The following DPP9 variants were observed in gnomAD, a reference collection of about 807,000 sequenced individuals.
The protein encoded by DPP9 is dipeptidyl peptidase IV-related protein-2.
Under a neutral mutation model 110.7 loss-of-function variants are expected in DPP9, and 50 were observed. The ratio of observed to expected loss-of-function variants is 0.45; its 90% CI spans 0.36 to 0.57. DPP9 has a LOEUF of 0.57. Ranked by LOEUF, DPP9 falls within the 20% of genes least tolerant of loss-of-function variation. The pLI is 0.00. For missense variants in DPP9, 1,022 were observed against 1,217.9 expected, an observed-to-expected ratio of 0.84 and a Z score of 2.39; for synonymous variants, 561 against 514.4, an observed-to-expected ratio of 1.09 and a Z score of -1.23.
At chr19:4,720,792 C>T (rs1314762873) in intron 2 of DPP9, among the ~76,000 whole-genome samples, 4 of 152,174 alleles carry the variant, frequency 2.6e-5, no homozygotes, top group Non-Finnish European at 4.4e-5. Flanking sequence ...AATGCCAAGC[C>T]GGAGACCCCT....
chr19:4,702,012 G>C lies in DPP9; in HGVS notation c.1012+15C>G. On this transcript the variant is annotated intron_variant, in intron 9 of 21. Coordinates refer to ENST00000262960, the MANE Select transcript of DPP9 (RefSeq NM_139159.5). Reference sequence around the variant, plus strand: ...AGATCCCCGGCCCAGCCCCTCACATGTACCGGGCACTCACCTGTCCTGGGG... The same window carrying C: ...AGATCCCCGGCCCAGCCCCTCACATCTACCGGGCACTCACCTGTCCTGGGG... The C allele has an allele frequency of 6.2e-7, 1 of 1,611,260 alleles. No homozygotes were observed. Among genetic ancestry groups the C allele is most frequent in the South Asian group, 1.1e-5 (1 of 90,756 alleles).
At chr19:4,722,206 G>C (rs977255357) in intron 2 of DPP9, 10 of 431,228 alleles carry the variant, frequency 2.3e-5, no homozygotes, top group African/African-American at 2.0e-4. Flanking sequence ...GGGTCAGGCA[G>C]TGTAGGTGGA....
In DPP9 at chr19:4,689,756, C is replaced by T; in HGVS notation, c.1597-34G>A. The T allele has an allele frequency of 1.3e-6, 2 of 1,528,632 alleles. No individual in the cohort carries two copies. The highest frequency in any genetic ancestry group is 1.8e-6 in the Non-Finnish European group (2 of 1,132,402). 94.7% of individuals were successfully genotyped at this position (1,528,632 alleles called of 1,614,324 possible). ...GGACAGGGGATCCTCGTGATGCGTC[C>T]CAGATGCCCCTGGGCCCACACCCCT... On this transcript the variant is annotated intron_variant, in intron 14 of 21. Coordinates refer to ENST00000262960, the MANE Select transcript of DPP9 (RefSeq NM_139159.5). This position sits in a 1 kb window ranked among gnomAD's most constrained non-coding sequence, Gnocchi z 7.0.
rs373924224 is a variant in DPP9, at chr19:4,688,886, C to T, written c.1756G>A (p.Asp586Asn). The stretch of plus-strand genomic sequence containing the variant: ...CTGCTGTAGTGGCTGACGAACATGT[C>T]GAAGTTCTGGGGGTGGAATGGGGTG... ...SHSCSMSQNFDMFVSHYSSVS... is the reference protein window; with the variant it reads ...SHSCSMSQNFNMFVSHYSSVS... The change falls in exon 16 of 22, where the codon GAC becomes AAC. Residue 586 changes from aspartate (D) to asparagine (N), a missense_variant. Transcript: ENST00000262960. 5.3e-6 allele frequency: 8 copies of T among 1,519,530 alleles called. No homozygotes were observed. The highest frequency in any genetic ancestry group is 2.6e-5 in the East Asian group (1 of 37,894). 94.1% of individuals were successfully genotyped at this position (1,519,530 alleles called of 1,614,324 possible). A position where few individuals can be genotyped will look rare whatever the true frequency, so the allele number is the denominator to read the frequency against.
chr19:4,706,898 C>T lies in DPP9; in HGVS notation c.314-928G>A, dbSNP rs542721639. On this transcript the variant is annotated intron_variant, in intron 4 of 21. Transcript: ENST00000262960. ...TTACATTCGGGCCTGGACCATCCTC[C>T]GGGGTGGGGCTGTCCTGACCACTGC... Among the ~76,000 whole-genome samples, 11 of 152,294 alleles carry T rather than the reference C, an allele frequency of 7.2e-5. No homozygotes were observed. In the South Asian group the frequency reaches 1.5e-3, roughly 20 times the overall value.
intron 18 of DPP9, 92 bp from the exon 19 acceptor site, chr19:4,683,721 C>T (rs753549896): frequency 9.3e-6 from 15 of 1,611,330 alleles, no homozygotes; most frequent in Admixed American, 5.0e-5. Flanking sequence ...GGCGTCTCTC[C>T]CTCTTGGATG....
At position 4,682,651 on chromosome 19, in the gene DPP9, A is replaced by T; in HGVS notation, c.2474+45T>A. ...ATAGAGACAGCTGGTGCCGGGGTGC[A>T]GGAGAAGCCCCGGGGAGGAGCGCAG... On this transcript the variant is annotated intron_variant, in intron 20 of 21. Coordinates refer to ENST00000262960, the MANE Select transcript of DPP9 (RefSeq NM_139159.5). The surrounding 1 kb of genome is among the most constrained non-coding windows in gnomAD (Gnocchi z 7.1). 6.3e-7 allele frequency: 1 copy of T among 1,596,802 alleles called. No individual in the cohort carries two copies. Among genetic ancestry groups the T allele is most frequent in the Non-Finnish European group, 8.5e-7 (1 of 1,172,536 alleles).
At chr19:4,720,933 T>TC (rs1407416631) in intron 2 of DPP9, among the ~76,000 whole-genome samples, 1 of 152,140 alleles carries the variant, frequency 6.6e-6, no homozygotes, top group African/African-American at 2.4e-5. Context: ...CCTTTCTCCC[T>TC]CCCCACTCAG....
chr19:4,683,644 C>T lies in DPP9; in HGVS notation c.2179-15G>A, dbSNP rs368043211. ...TCCACCTGGCCCTGAGGGATGAAGC[C>T]GGGCACCTCTCAGTGGCCTCCTCCC... is the stretch of plus-strand genomic sequence containing the variant. On this transcript the variant is annotated splice_polypyrimidine_tract_variant and intron_variant, in intron 18 of 21. Coordinates refer to ENST00000262960, the MANE Select transcript of DPP9 (RefSeq NM_139159.5). 23 of 1,613,222 alleles carry T rather than the reference C, an allele frequency of 1.4e-5. No individual in the cohort carries two copies. Among genetic ancestry groups the T allele is most frequent in the African/African-American group, 2.7e-5 (2 of 74,930 alleles).
rs1038574345 is a variant in DPP9 at position 4,687,782 on chromosome 19, T to G, written c.1885+975A>C. On this transcript the variant is annotated intron_variant, in intron 16 of 21. Coordinates refer to ENST00000262960, the MANE Select transcript of DPP9 (RefSeq NM_139159.5). The surrounding 1 kb of genome is among the most constrained non-coding windows in gnomAD (Gnocchi z 4.7). ...CTCTGACATCCCGGCCACCCCTGCA[T>G]GGACCACCACTGTTCAAAAGGTTTT... Among the ~76,000 whole-genome samples the G allele has an allele frequency of 6.6e-6, 1 of 151,906 alleles. No individual in the cohort carries two copies. The highest frequency in any genetic ancestry group is 1.5e-5 in the Non-Finnish European group (1 of 67,980).
At chr19:4,706,793 G>C (rs1425185053) in intron 4 of DPP9, among the ~76,000 whole-genome samples, 5 of 152,236 alleles carry the variant, frequency 3.3e-5, no homozygotes, top group Non-Finnish European at 5.9e-5. Flanking sequence ...TCCAGCCTGG[G>C]TAACAGAGCA....
At chr19:4,720,102 G>T (rs981976421) in intron 2 of DPP9, among the ~76,000 whole-genome samples, 161 bp from the exon 3 acceptor site, 1 of 152,180 alleles carries the variant, frequency 6.6e-6, no homozygotes, top group African/African-American at 2.4e-5. Context: ...GATGCTTCAG[G>T]CCCTGGCCTG....
chr19:4,698,099 C>T lies in DPP9; in HGVS notation c.1075-448G>A, dbSNP rs1382290823. Among the ~76,000 whole-genome samples, 3 of 152,284 alleles carry T rather than the reference C, an allele frequency of 2.0e-5. No homozygotes were observed. Among genetic ancestry groups the T allele is most frequent in the Admixed American group, 6.5e-5 (1 of 15,294 alleles). Reference sequence around the variant, plus strand: ...ACCCAACAGGGGCAGGTGGGCTGGGCAAGCCAACGGCGGCACCCCAGCAGG... The same window carrying T: ...ACCCAACAGGGGCAGGTGGGCTGGGTAAGCCAACGGCGGCACCCCAGCAGG... On this transcript the variant is annotated intron_variant, in intron 10 of 21. Coordinates refer to ENST00000262960, the MANE Select transcript of DPP9 (RefSeq NM_139159.5). This position sits in a 1 kb window ranked among gnomAD's most constrained non-coding sequence, Gnocchi z 4.2.
At position 4,684,717 on chromosome 19, in the gene DPP9, G is replaced by T; in HGVS notation, c.2124C>A (p.Gly708=). Residue 708 remains glycine, a synonymous_variant, in exon 18 of 22, where the codon GGC becomes GGA. Coordinates refer to ENST00000262960, the MANE Select transcript of DPP9 (RefSeq NM_139159.5). This position sits in a 1 kb window ranked among gnomAD's most constrained non-coding sequence, Gnocchi z 4.8. Reference sequence around the variant, plus strand: ...GAAGCCCTCGCTGACAGGAGCCCCTGCCGTCAATCACAACCACGGCGTAGC... The same window carrying T: ...GAAGCCCTCGCTGACAGGAGCCCCTTCCGTCAATCACAACCACGGCGTAGC... The part of the protein sequence containing the change: ...SLGYAVVVID[G]RGSCQRGLRF... 6.2e-7 allele frequency: 1 copy of T among 1,612,042 alleles called. No individual in the cohort carries two copies. Among genetic ancestry groups the T allele is most frequent in the South Asian group, 1.1e-5 (1 of 90,630 alleles).
rs2093240506 is a variant in DPP9 at position 4,719,839 on chromosome 19, G to C, written c.56+12C>G. The C allele has an allele frequency of 6.4e-7, 1 of 1,551,638 alleles. No homozygotes were observed. The highest frequency in any genetic ancestry group is 8.7e-7 in the Non-Finnish European group (1 of 1,147,014). ...CATCCTCACGGATCAGGGCCTCCGA[G>C]GCCAACCTCACCTTCTCCAACTTCC... On this transcript the variant is annotated intron_variant, in intron 3 of 21. Transcript: ENST00000262960.
At chr19:4,702,216 A>AC in intron 8 of DPP9, 61 bp from the exon 9 acceptor site, 1 of 1,540,988 alleles carries the variant, frequency 6.5e-7, no homozygotes, top group South Asian at 1.2e-5. Context: ...TGCCATCAGC[A>AC]CCCCCCGCCC....
At position 4,700,433 on chromosome 19, in the gene DPP9, T is replaced by C. The variant is rs2092167214; in HGVS notation, c.1013-156A>G. ...AGCCAGGTGTCCCACGGTCTGTCTGTAGGCACATCGTCCTGCTGGAACAGG... is the reference window on the plus strand; with the variant it reads ...AGCCAGGTGTCCCACGGTCTGTCTGCAGGCACATCGTCCTGCTGGAACAGG... On this transcript the variant is annotated intron_variant, in intron 9 of 21. Transcript: ENST00000262960. This position sits in a 1 kb window ranked among gnomAD's most constrained non-coding sequence, Gnocchi z 4.3. Among the ~76,000 whole-genome samples the C allele has an allele frequency of 6.6e-6, 1 of 152,146 alleles. No homozygotes were observed. Among genetic ancestry groups the C allele is most frequent in the African/African-American group, 2.4e-5 (1 of 41,434 alleles).
intron 3 of DPP9, among the ~76,000 whole-genome samples, chr19:4,716,361 G>A (rs1380454496): frequency 6.6e-6 from 1 of 152,184 alleles, no homozygotes; most frequent in Non-Finnish European, 1.5e-5. Flanking sequence ...GACTTGGCCG[G>A]GCACAGTGGC....
rs1211482321 is a variant in DPP9 at position 4,695,567 on chromosome 19, G to T, written c.1176-12C>A. The T allele has an allele frequency of 6.9e-7, 1 of 1,457,444 alleles. No homozygotes were observed. The highest frequency in any genetic ancestry group is 2.6e-5 in the East Asian group (1 of 37,846). The allele number at this position is 1,457,444 out of a possible 1,614,324, so 90.3% of individuals were successfully genotyped here. A position where few individuals can be genotyped will look rare whatever the true frequency, so the allele number is the denominator to read the frequency against. On this transcript the variant is annotated splice_polypyrimidine_tract_variant and intron_variant, in intron 11 of 21. Coordinates refer to ENST00000262960, the MANE Select transcript of DPP9 (RefSeq NM_139159.5). The surrounding 1 kb of genome is among the most constrained non-coding windows in gnomAD (Gnocchi z 4.7). ...ACATGGCCCAGGCGCTAAGGGGGAAGATGCGGGGGAAGATGAGAGGGAAGC... is the reference window on the plus strand; with the variant it reads ...ACATGGCCCAGGCGCTAAGGGGGAATATGCGGGGGAAGATGAGAGGGAAGC...
Sources: gnomAD v4.1 joint callset for allele counts (sites outside exome capture counted in the v4.1 genomes callset) on GRCh38, gnomAD v4.1.1 for gene constraint, Gnocchi (gnomAD v3.1) non-coding constraint, MANE v1.5 for transcripts, NCBI Gene and HGNC (gene_info 2026-07-23, HGNC 2026-07-21) for gene names.